LLPH: variants seen among roughly 807,000 people sequenced by gnomAD.
LLPH encodes LLP homolog, long-term synaptic facilitation factor, also known as protein LLP homolog.
LLPH carries 5 observed loss-of-function variants against 13.3 expected under a neutral mutation model. The observed-to-expected ratio is 0.38, with a 90% confidence interval of 0.20 to 0.79. The LOEUF (loss-of-function observed/expected upper bound fraction) is 0.79, where lower values mean the gene tolerates loss of function less well. Among genes scored for constraint, LLPH ranks in the 30% least tolerant of loss-of-function variants. LLPH has a pLI of 0.45. For synonymous variants in LLPH, 32 were observed against 44.2 expected (o/e 0.72, Z 1.09); for missense variants, 129 against 152.1 (o/e 0.85, Z 0.80).
At position 66,118,358 on chromosome 12, in the gene LLPH, C is replaced by T. The variant is rs1338528020; in HGVS notation, c.*5482G>A. ...AGCCTGGGCAACAAGAGTGAAACTCCGTCTCAAAAAAAAAAAAAAAAAATA... is the reference window on the plus strand; with the variant it reads ...AGCCTGGGCAACAAGAGTGAAACTCTGTCTCAAAAAAAAAAAAAAAAAATA... On this transcript the variant is annotated 3_prime_UTR_variant, in exon 3 of 3. Transcript: ENST00000266604. The T allele has an allele frequency of 3.9e-5, 4 of 102,696 alleles. No homozygotes were observed. The highest frequency in any genetic ancestry group is 1.2e-4 in the African/African-American group (3 of 25,440). The allele number at this position is 102,696 out of a possible 1,614,324, so 6.4% of individuals were successfully genotyped here.
intron 2 of LLPH, among the ~76,000 whole-genome samples, chr12:66,127,704 G>C (rs1319523114): frequency 6.6e-6 from 1 of 152,224 alleles, no homozygotes; most frequent in African/African-American, 2.4e-5. Flanking sequence ...ATAGGGAGGG[G>C]TGATGTGTGT....
chr12:66,121,831 GC>G lies in LLPH; in HGVS notation c.*2008del, dbSNP rs2051465140. 7.1e-6 allele frequency: 1 copy of G among 140,058 alleles called. No homozygotes were observed. The highest frequency in any genetic ancestry group is 7.6e-5 in the Admixed American group (1 of 13,202). 8.7% of individuals were successfully genotyped at this position (140,058 alleles called of 1,614,324 possible). A position where few individuals can be genotyped will look rare whatever the true frequency, so the allele number is the denominator to read the frequency against. On this transcript the variant is annotated 3_prime_UTR_variant, in exon 3 of 3. Transcript: ENST00000266604. Reference sequence around the variant, plus strand: ...CCTGGGAGGTGGAGGTTGCAGCGGAGCCACACTTGTGCCAATCACTCCAGCC... The same window carrying G: ...CCTGGGAGGTGGAGGTTGCAGCGGAGCACACTTGTGCCAATCACTCCAGCC...
At chr12:66,125,419 C>T (rs2051489928) in intron 2 of LLPH, among the ~76,000 whole-genome samples, 1 of 152,072 alleles carries the variant, frequency 6.6e-6, no homozygotes. Flanking sequence ...AGAAATCAGG[C>T]AGGCAGTTGA....
intron 2 of LLPH, 141 bp downstream of exon 2, chr12:66,128,755 G>C: frequency 1.6e-6 from 1 of 639,630 alleles, no homozygotes; most frequent in Non-Finnish European, 2.7e-6. Context: ...GAGGTGGGAA[G>C]AATCCGCTTC....
In LLPH at chr12:66,123,597, T is replaced by G. The variant is rs555429265; in HGVS notation, c.*243A>C. ...CAGAACGTTGAGGCCTGATTATAAC[T>G]GGATATTGGGTAGCATCCAGTTAAA... is the stretch of plus-strand genomic sequence containing the variant. On this transcript the variant is annotated 3_prime_UTR_variant, in exon 3 of 3. Transcript: ENST00000266604. The G allele has an allele frequency of 2.0e-6, 1 of 503,450 alleles. No homozygotes were observed. Among genetic ancestry groups the G allele is most frequent in the South Asian group, 3.2e-5 (1 of 31,670 alleles). 31.2% of individuals were successfully genotyped at this position (503,450 alleles called of 1,614,324 possible).
rs1447563131 is a variant in LLPH, at chr12:66,124,032, T to A, written c.212-14A>T. 7.0e-6 allele frequency: 11 copies of A among 1,575,598 alleles called. No individual in the cohort carries two copies. Among genetic ancestry groups the A allele is most frequent in the African/African-American group, 1.4e-5 (1 of 73,136 alleles). ...TTTTCATGTCATCTGCATAAAAAGA[T>A]GGAAAAACTATTAACACCATGTATG... On this transcript the variant is annotated splice_polypyrimidine_tract_variant and intron_variant, in intron 2 of 2. Coordinates refer to ENST00000266604, the MANE Select transcript of LLPH (RefSeq NM_032338.4).
At position 66,119,711 on chromosome 12, in the gene LLPH, T is replaced by A. The variant is rs1214477124; in HGVS notation, c.*4129A>T. ...ATTTCTATTGTAGTATTTATAAATT[T>A]GGCAATGCCTTAGATTCCTCCCAAT... is the stretch of plus-strand genomic sequence containing the variant. On this transcript the variant is annotated 3_prime_UTR_variant, in exon 3 of 3. Transcript: ENST00000266604. 6.6e-6 allele frequency: 1 copy of A among 152,242 alleles called. No individual in the cohort carries two copies. Among genetic ancestry groups the A allele is most frequent in the Non-Finnish European group, 1.5e-5 (1 of 68,042 alleles). The allele number at this position is 152,242 out of a possible 1,614,324, so 9.4% of individuals were successfully genotyped here. A position where few individuals can be genotyped will look rare whatever the true frequency, so the allele number is the denominator to read the frequency against.
intron 2 of LLPH, among the ~76,000 whole-genome samples, chr12:66,128,069 C>T (rs1197393430): frequency 6.6e-6 from 1 of 152,100 alleles, no homozygotes; most frequent in Non-Finnish European, 1.5e-5. Flanking sequence ...TCTTGGTTGG[C>T]CCCTTTTTCT....
chr12:66,129,376 T>C (rs953578910), intron 1 of LLPH, among the ~76,000 whole-genome samples: 2 of 151,366 alleles, frequency 1.3e-5, no homozygotes, highest in Non-Finnish European at 2.9e-5. Context: ...GAAAGCACCT[T>C]GCATGTCTTT....
At chr12:66,124,083 T>G in intron 2 of LLPH, 65 bp from the exon 3 acceptor site, 1 of 1,051,404 alleles carries the variant, frequency 9.5e-7, no homozygotes, top group Admixed American at 2.5e-5. Flanking sequence ...TGAAAGCATA[T>G]TAATGCACTG....
At chr12:66,124,291 A>AAT in intron 2 of LLPH, among the ~76,000 whole-genome samples, 1 of 152,222 alleles carries the variant, frequency 6.6e-6, no homozygotes, top group East Asian at 1.9e-4. Flanking sequence ...TTCTCATATT[A>AAT]AGTGATTCCT....
intron 1 of LLPH, among the ~76,000 whole-genome samples, chr12:66,129,851 T>C (rs1223369849): frequency 1.3e-5 from 2 of 152,176 alleles, no homozygotes; most frequent in African/African-American, 2.4e-5. Context: ...ACTTATCTAT[T>C]CCTACTCTTG....
In LLPH at chr12:66,116,833, A is replaced by C. The variant is rs1278214848; in HGVS notation, c.*7007T>G. ...ATGAAAACTTGAAGGACTTTACTCC[A>C]TTCATTTTTCTTTACAGGACTATTG... is the stretch of plus-strand genomic sequence containing the variant. On this transcript the variant is annotated 3_prime_UTR_variant, in exon 3 of 3. Transcript: ENST00000266604. 1 of 152,236 alleles carries C rather than the reference A, an allele frequency of 6.6e-6. No homozygotes were observed. Among genetic ancestry groups the C allele is most frequent in the Non-Finnish European group, 1.5e-5 (1 of 68,038 alleles). 9.4% of individuals were successfully genotyped at this position (152,236 alleles called of 1,614,324 possible). A position where few individuals can be genotyped will look rare whatever the true frequency, so the allele number is the denominator to read the frequency against.
chr12:66,124,874 G>A (rs758300296), intron 2 of LLPH, among the ~76,000 whole-genome samples: 152 of 152,208 alleles, frequency 1.0e-3, no homozygotes, highest in Non-Finnish European at 1.7e-3. Flanking sequence ...TTCTGTTGAC[G>A]GGAGAATAAC....
In LLPH at chr12:66,116,838, T is replaced by C. The variant is rs1044347993; in HGVS notation, c.*7002A>G. 1 of 152,240 alleles carries C rather than the reference T, an allele frequency of 6.6e-6. No homozygotes were observed. The highest frequency in any genetic ancestry group is 2.4e-5 in the African/African-American group (1 of 41,458). The allele number at this position is 152,240 out of a possible 1,614,324, so 9.4% of individuals were successfully genotyped here. A position where few individuals can be genotyped will look rare whatever the true frequency, so the allele number is the denominator to read the frequency against. ...AACTTGAAGGACTTTACTCCATTCA[T>C]TTTTCTTTACAGGACTATTGCAGTA... On this transcript the variant is annotated 3_prime_UTR_variant, in exon 3 of 3. Transcript: ENST00000266604.
chr12:66,125,183 T>C (rs932913873), intron 2 of LLPH, among the ~76,000 whole-genome samples: 4 of 152,120 alleles, frequency 2.6e-5, no homozygotes, highest in East Asian at 1.9e-4. Context: ...CTGGTGGATA[T>C]GTAGAAGATA....
chr12:66,120,791 T>C lies in LLPH; in HGVS notation c.*3049A>G, dbSNP rs942053942. On this transcript the variant is annotated 3_prime_UTR_variant, in exon 3 of 3. Coordinates refer to ENST00000266604, the MANE Select transcript of LLPH (RefSeq NM_032338.4). ...GGACTATGCTATACTTCTCGATTTGTAATCTTTAAAAATAAAGTGCCAAAG... is the reference window on the plus strand; with the variant it reads ...GGACTATGCTATACTTCTCGATTTGCAATCTTTAAAAATAAAGTGCCAAAG... 5.3e-5 allele frequency: 8 copies of C among 152,238 alleles called. No individual in the cohort carries two copies. The highest frequency in any genetic ancestry group is 1.9e-4 in the African/African-American group (8 of 41,460). The allele number at this position is 152,238 out of a possible 1,614,324, so 9.4% of individuals were successfully genotyped here.
At chr12:66,125,165 A>G (rs943693249) in intron 2 of LLPH, among the ~76,000 whole-genome samples, 9 of 152,234 alleles carry the variant, frequency 5.9e-5, no homozygotes, top group African/African-American at 2.2e-4. Flanking sequence ...CCTTCTGAAA[A>G]GATCACACTG....
At chr12:66,125,292 A>G (rs2051489355) in intron 2 of LLPH, among the ~76,000 whole-genome samples, 1 of 152,228 alleles carries the variant, frequency 6.6e-6, no homozygotes, top group Non-Finnish European at 1.5e-5. Flanking sequence ...AAAGCAGGAA[A>G]AAAATGGATA....
Sources: allele counts gnomAD v4.1 joint callset (sites outside exome capture counted in the v4.1 genomes callset), GRCh38; gene constraint gnomAD v4.1.1; transcripts MANE v1.5; gene names NCBI Gene and HGNC (gene_info 2026-07-23, HGNC 2026-07-21).